CHM: variants seen among roughly 807,000 people sequenced by gnomAD.
CHM encodes CHM Rab escort protein, also known as rab proteins geranylgeranyltransferase component A 1.
CHM carries 10 observed loss-of-function variants against 49.0 expected under a neutral mutation model. The ratio of observed to expected loss-of-function variants is 0.20; its 90% CI spans 0.13 to 0.35. The LOEUF (loss-of-function observed/expected upper bound fraction) is 0.35, where lower values mean the gene tolerates loss of function less well. Ranked by LOEUF, CHM falls within the 10% of genes least tolerant of loss-of-function variation. The pLI is 1.00. For synonymous variants in CHM, 184 were observed against 167.5 expected (o/e 1.10, Z -0.76); for missense variants, 455 against 478.4 (o/e 0.95, Z 0.46).
intron 8 of CHM, among the ~76,000 whole-genome samples, chrX:85,937,516 G>C (rs1040569519): frequency 2.7e-5 from 3 of 109,245 alleles, no homozygotes; most frequent in African/African-American, 6.7e-5. Context: ...ATCTAAGTTA[G>C]TTAGCACTGA....
intron 2 of CHM, among the ~76,000 whole-genome samples, chrX:86,021,176 A>ATATATATATATACACGTATATATACGTG (rs1933586504): frequency 7.3e-5 from 1 of 13,729 alleles, no homozygotes; most frequent in South Asian, 4.6e-3. Context: ...ATATATGTGT[A>ATATATATATATACACGTATATATACGTG]TATATATATA....
chrX:85,994,517 C>T (rs1419339330), intron 2 of CHM, among the ~76,000 whole-genome samples: 3 of 111,862 alleles, frequency 2.7e-5, no homozygotes, highest in African/African-American at 9.8e-5. Context: ...TTCCTTTCTC[C>T]CTATCCTCTA....
At chrX:85,883,894 T>C (rs1245743956) in intron 12 of CHM, among the ~76,000 whole-genome samples, 4 of 110,544 alleles carry the variant, frequency 3.6e-5, no homozygotes, top group Non-Finnish European at 7.6e-5. Context: ...AAAACAGCTG[T>C]TATTGCCTGA....
At chrX:85,865,714 C>A (rs989178325) in intron 14 of CHM, among the ~76,000 whole-genome samples, 1 of 111,875 alleles carries the variant, frequency 8.9e-6, no homozygotes, top group African/African-American at 3.2e-5. Context: ...GATGTCCAGG[C>A]TGAGGTGGCC....
At chrX:85,893,160 G>A (rs972907133) in intron 12 of CHM, among the ~76,000 whole-genome samples, 21 of 111,649 alleles carry the variant, frequency 1.9e-4, no homozygotes, top group African/African-American at 6.8e-4. Context: ...CATTAGGTGA[G>A]CAGTAAGATT....
intron 1 of CHM, among the ~76,000 whole-genome samples, chrX:86,035,766 T>C (rs1292192517): frequency 9.2e-6 from 1 of 108,222 alleles, no homozygotes; most frequent in African/African-American, 3.4e-5. Flanking sequence ...CAGTGGAAGA[T>C]ACTGTCGACG....
At chrX:85,970,926 T>C (rs1341024387) in intron 4 of CHM, 1 of 728,827 alleles carries the variant, frequency 1.4e-6, no homozygotes, top group Non-Finnish European at 1.6e-6. Context: ...ATTACTACAA[T>C]TTACATTTTA....
intron 2 of CHM, among the ~76,000 whole-genome samples, chrX:86,016,568 GT>G (rs1324824334): frequency 1.8e-5 from 2 of 112,805 alleles, no homozygotes; most frequent in Admixed American, 1.9e-4. Context: ...GCTTCCACAT[GT>G]TGCTGAGCCT....
intron 2 of CHM, among the ~76,000 whole-genome samples, chrX:85,991,110 T>C (rs1252606681): frequency 2.7e-5 from 3 of 112,065 alleles, no homozygotes; most frequent in African/African-American, 9.7e-5. Flanking sequence ...TGTCCTAGTA[T>C]TCATTCACTG....
At chrX:86,027,036 A>G (rs1933856513) in intron 2 of CHM, 1 of 116,662 alleles carries the variant, frequency 8.6e-6, no homozygotes, top group Admixed American at 8.8e-5. Flanking sequence ...CCTAGTTAAG[A>G]CTTCCTAAGT....
chrX:86,027,571 C>T lies in CHM; in HGVS notation c.50-14G>A. On this transcript the variant is annotated splice_polypyrimidine_tract_variant and intron_variant, in intron 1 of 14. Transcript: ENST00000357749. ...ATTCAGGCAAACCTACAAAAACACA[C>T]ACCCGTATCATTTAGAATGTAGAAA... 1.7e-6 allele frequency: 2 copies of T among 1,181,255 alleles called. No individual in the cohort carries two copies. Among genetic ancestry groups the T allele is most frequent in the Non-Finnish European group, 2.3e-6 (2 of 867,967 alleles).
In CHM at chrX:85,905,101, T is replaced by C. The variant is rs1926511802; in HGVS notation, c.1245-3913A>G. ...TATAGTATTATTAGCCAAGCATTTT[T>C]TAAAACTAGCATGCTGCAAACTGAG... On this transcript the variant is annotated intron_variant, in intron 9 of 14. Transcript: ENST00000357749. 2.7e-5 allele frequency among the ~76,000 whole-genome samples: 3 copies of C among 111,521 alleles called. No homozygotes were observed. The South Asian group carries it at 1.1e-3, about 42-fold the overall frequency.
chrX:85,943,109 G>T (rs1270158419), intron 8 of CHM, among the ~76,000 whole-genome samples: 5 of 109,808 alleles, frequency 4.6e-5, no homozygotes, highest in Non-Finnish European at 5.7e-5. Context: ...CTTCTGCACA[G>T]CAAAAGAAAC....
intron 8 of CHM, among the ~76,000 whole-genome samples, chrX:85,914,623 C>T (rs767375571): frequency 9.0e-6 from 1 of 110,868 alleles, no homozygotes; most frequent in South Asian, 3.9e-4. Flanking sequence ...CCCATGCACA[C>T]ACAAACCAAC....
chrX:85,937,871 T>C (rs368534312), intron 8 of CHM, among the ~76,000 whole-genome samples: 185 of 108,724 alleles, frequency 1.7e-3, no homozygotes, highest in Middle Eastern at 0.014. Flanking sequence ...AATTAAACTG[T>C]ATCCACACCA....
intron 14 of CHM, among the ~76,000 whole-genome samples, chrX:85,869,164 C>T (rs756778726): frequency 7.5e-4 from 83 of 111,355 alleles, no homozygotes; most frequent in South Asian, 4.5e-3. Flanking sequence ...TTAGTACATA[C>T]GCCACACTAC....
At chrX:86,024,196 G>A (rs1456785642) in intron 2 of CHM, among the ~76,000 whole-genome samples, 1 of 112,039 alleles carries the variant, frequency 8.9e-6, no homozygotes, top group Non-Finnish European at 1.9e-5. Context: ...CAAAAAGTGG[G>A]AAGATGAAGT....
chrX:86,006,732 A>G (rs1046818591), intron 2 of CHM, among the ~76,000 whole-genome samples: 6 of 111,803 alleles, frequency 5.4e-5, no homozygotes, highest in Non-Finnish European at 1.1e-4. Context: ...AAAGAGAACA[A>G]CAAACCACTG....
intron 8 of CHM, among the ~76,000 whole-genome samples, chrX:85,934,824 TATA>T (rs1394557064): frequency 9.0e-6 from 1 of 110,934 alleles, no homozygotes; most frequent in African/African-American, 3.3e-5. Flanking sequence ...CTTGAGTAGG[TATA>T]ATAAGAAGGT....
Sources: allele counts gnomAD v4.1 joint callset (sites outside exome capture counted in the v4.1 genomes callset), GRCh38; gene constraint gnomAD v4.1.1; transcripts MANE v1.5; gene names NCBI Gene and HGNC (gene_info 2026-07-23, HGNC 2026-07-21).